Variants in ZNF107 observed in about 807,000 individuals in gnomAD.
The protein encoded by ZNF107 is C2H2 type zinc-finger protein.
A neutral mutation model predicts 12.3 loss-of-function variants in ZNF107; 19 were observed. That is an observed-to-expected ratio of 1.55 (90% confidence interval 1.08 to 2.27). The LOEUF (loss-of-function observed/expected upper bound fraction) is 2.27, where lower values mean the gene tolerates loss of function less well. ZNF107 is among the 30% of genes most tolerant of loss of function. The probability of loss-of-function intolerance (pLI) is 0.00; values close to 1 mark genes in which losing one functional copy is unlikely to be tolerated. For synonymous variants in ZNF107, 317 were observed against 330.5 expected, an observed-to-expected ratio of 0.96 and a Z score of 0.44; for missense variants, 958 against 979.9, an observed-to-expected ratio of 0.98 and a Z score of 0.30.
At chr7:64,674,981 A>G (rs963319242) in intron 1 of ZNF107, among the ~76,000 whole-genome samples, 3 of 151,318 alleles carry the variant, frequency 2.0e-5, no homozygotes, top group African/African-American at 4.8e-5. Flanking sequence ...ATTAGCTTTT[A>G]TGATGTGCTG....
At position 64,707,808 on chromosome 7, in the gene ZNF107, G is replaced by A; in HGVS notation, c.1711G>A (p.Gly571Arg). The A allele has an allele frequency of 6.2e-7, 1 of 1,611,858 alleles. No individual in the cohort carries two copies. The highest frequency in any genetic ancestry group is 8.5e-7 in the Non-Finnish European group (1 of 1,179,342). ...GEKPYKCEEC[G>R]KAFNQSYQLT... ...AAAACCCTATAAATGTGAAGAATGTGGAAAAGCCTTTAATCAATCCTATCA... is the reference window on the plus strand; with the variant it reads ...AAAACCCTATAAATGTGAAGAATGTAGAAAAGCCTTTAATCAATCCTATCA... The change falls in exon 4 of 4, where the codon GGA (glycine) becomes AGA (arginine). Residue 571 changes from glycine (G) to arginine (R), a missense_variant. Physicochemically the swap from Gly to Arg is moderately radical, Grantham distance 125. Transcript: ENST00000620827.
At chr7:64,688,324 T>C (rs2128961926) in intron 1 of ZNF107, among the ~76,000 whole-genome samples, 1 of 150,546 alleles carries the variant, frequency 6.6e-6, no homozygotes, top group Middle Eastern at 3.4e-3. Context: ...TGGCATGATC[T>C]CGGCTCACTG....
Position 64,707,315 on chromosome 7 carries a change from T to C in ZNF107, c.1218T>C (p.Phe406=), listed in dbSNP as rs780792240. The change falls in exon 4 of 4, where the codon TTT becomes TTC. Residue 406 remains phenylalanine (F), a synonymous_variant. Transcript: ENST00000620827. ...AATGTGAAGAATGTGGCAAAGTCTT[T>C]AACCAGTTCTCAACTCTTACTAGAC... The part of the protein sequence containing the change: ...PYKCEECGKV[F]NQFSTLTRHK... The C allele has an allele frequency of 6.2e-7, 1 of 1,613,412 alleles. No individual in the cohort carries two copies. Among genetic ancestry groups the C allele is most frequent in the Non-Finnish European group, 8.5e-7 (1 of 1,179,778 alleles).
At chr7:64,681,040 C>T (rs955670899) in intron 1 of ZNF107, among the ~76,000 whole-genome samples, 1 of 152,134 alleles carries the variant, frequency 6.6e-6, no homozygotes, top group African/African-American at 2.4e-5. Flanking sequence ...TGCAGGCCCT[C>T]ACTGGAAGTC....
Position 64,708,680 on chromosome 7 carries a change from A to C in ZNF107, c.*24A>C, listed in dbSNP as rs770447219. 2 of 1,572,980 alleles carry C rather than the reference A, an allele frequency of 1.3e-6. No individual in the cohort carries two copies. The highest frequency in any genetic ancestry group is 1.7e-6 in the Non-Finnish European group (2 of 1,158,152). On this transcript the variant is annotated 3_prime_UTR_variant, in exon 4 of 4. Transcript: ENST00000620827. ...AATTGATCCTACAAGCTTACTACAC[A>C]TAGGAAAATTCATACTGGAGAGAAA...
At chr7:64,696,338 G>A (rs946268835) in intron 3 of ZNF107, among the ~76,000 whole-genome samples, 3 of 152,040 alleles carry the variant, frequency 2.0e-5, no homozygotes, top group Middle Eastern at 3.4e-3. Flanking sequence ...ATGAGCCACC[G>A]CATCCAGCCT....
At chr7:64,666,362 C>T (rs1789001431) in intron 1 of ZNF107, 77 bp downstream of exon 1, 1 of 1,565,680 alleles carries the variant, frequency 6.4e-7, no homozygotes, top group Non-Finnish European at 8.7e-7. Flanking sequence ...TGTGGCTGGA[C>T]TCGGGCCTCC....
In ZNF107 at chr7:64,691,922, G is replaced by A; in HGVS notation, c.188G>A (p.Trp63Ter). ...TGTCTGGAGCAAAAAAAAGAGCCCT[G>A]GAATATAAAAAGACATGAGATGGTA... ...ITCLEQKKEP[W>*]NIKRHEMVAK... Residue 63 changes from tryptophan to a stop codon, truncating the protein, a stop_gained, in exon 3 of 4, where the codon TGG (tryptophan) becomes TAG (stop). Transcript: ENST00000620827. LOFTEE classifies it low-confidence loss of function (END_TRUNC). 1 of 1,533,516 alleles carries A rather than the reference G, an allele frequency of 6.5e-7. No homozygotes were observed. The highest frequency in any genetic ancestry group is 1.2e-5 in the South Asian group (1 of 80,950). The allele number at this position is 1,533,516 out of a possible 1,614,324, so 95.0% of individuals were successfully genotyped here.
chr7:64,681,383 C>CT (rs1374236723), intron 1 of ZNF107, among the ~76,000 whole-genome samples: 1 of 152,072 alleles, frequency 6.6e-6, no homozygotes, highest in Non-Finnish European at 1.5e-5. Context: ...ATCAGCACTC[C>CT]TTTTTGCACT....
chr7:64,691,906 C>A lies in ZNF107; in HGVS notation c.172C>A (p.Gln58Lys). The A allele has an allele frequency of 6.6e-7, 1 of 1,514,736 alleles. No homozygotes were observed. 93.8% of individuals were successfully genotyped at this position (1,514,736 alleles called of 1,614,324 possible). Reference sequence around the variant, plus strand: ...GCCATATCTGATCACCTGTCTGGAGCAAAAAAAAGAGCCCTGGAATATAAA... The same window carrying A: ...GCCATATCTGATCACCTGTCTGGAGAAAAAAAAAGAGCCCTGGAATATAAA... ...SKPYLITCLE[Q>K]KKEPWNIKRH... Residue 58 changes from glutamine (Q) to lysine (K), a missense_variant, in exon 3 of 4, where the codon CAA (glutamine) becomes AAA (lysine). Coordinates refer to ENST00000620827, the MANE Select transcript of ZNF107 (RefSeq NM_001282359.2).
chr7:64,701,364 G>A (rs1790471359), intron 3 of ZNF107, among the ~76,000 whole-genome samples: 1 of 151,006 alleles, frequency 6.6e-6, no homozygotes, highest in Admixed American at 6.6e-5. Context: ...CCAGGTTCAC[G>A]TGATCTCCTG....
rs1790129339 is a variant in ZNF107, at chr7:64,691,875, C to T, written c.141C>T (p.Val47=). Reference sequence around the variant, plus strand: ...TTTTCAATAAAACAGGTATTGCTGTCTCTAAGCCATATCTGATCACCTGTC... The same window carrying T: ...TTTTCAATAAAACAGGTATTGCTGTTTCTAAGCCATATCTGATCACCTGTC... ...YRNLVFLGIA[V]SKPYLITCLE... Residue 47 remains valine, a synonymous_variant, in exon 3 of 4, where the codon GTC becomes GTT. Transcript: ENST00000620827. The T allele has an allele frequency of 2.0e-6, 3 of 1,471,020 alleles. No homozygotes were observed. The highest frequency in any genetic ancestry group is 2.6e-5 in the Admixed American group (1 of 38,366). 91.1% of individuals were successfully genotyped at this position (1,471,020 alleles called of 1,614,324 possible). A position where few individuals can be genotyped will look rare whatever the true frequency, so the allele number is the denominator to read the frequency against.
chr7:64,685,263 ACCTCTAGGTCACCTACTGTT>A (rs869124289), intron 1 of ZNF107, among the ~76,000 whole-genome samples: 3 of 152,254 alleles, frequency 2.0e-5, no homozygotes, highest in African/African-American at 7.2e-5. Context: ...CATCAGGCCT[ACCTCTAGGTCACCTACTGTT>A]CCATCAGTGC....
intron 3 of ZNF107, among the ~76,000 whole-genome samples, chr7:64,704,032 T>C (rs1169610292): frequency 3.3e-5 from 5 of 152,078 alleles, no homozygotes; most frequent in Admixed American, 6.6e-5. Context: ...AAATCAACTT[T>C]ATTTGCATAC....
Position 64,708,090 on chromosome 7 carries a change from A to G in ZNF107, c.1993A>G (p.Thr665Ala). The G allele has an allele frequency of 6.2e-7, 1 of 1,613,600 alleles. No homozygotes were observed. Among genetic ancestry groups the G allele is most frequent in the Non-Finnish European group, 8.5e-7 (1 of 1,179,736 alleles). Reference sequence around the variant, plus strand: ...AGCTTTTAACCTATTCTCAAACATTACTAACCATAAGATAATTTATACTGG... The same window carrying G: ...AGCTTTTAACCTATTCTCAAACATTGCTAACCATAAGATAATTTATACTGG... Reference protein sequence around the residue: ...GKAFNLFSNITNHKIIYTGEK... With the variant: ...GKAFNLFSNIANHKIIYTGEK... Residue 665 changes from threonine (T) to alanine (A), a missense_variant, in exon 4 of 4, where the codon ACT becomes GCT. Thr to Ala is a moderately conservative substitution (Grantham distance 58). Coordinates refer to ENST00000620827, the MANE Select transcript of ZNF107 (RefSeq NM_001282359.2).
At position 64,709,127 on chromosome 7, in the gene ZNF107, A is replaced by G. The variant is rs1790802192; in HGVS notation, c.*471A>G. On this transcript the variant is annotated 3_prime_UTR_variant, in exon 4 of 4. Coordinates refer to ENST00000620827, the MANE Select transcript of ZNF107 (RefSeq NM_001282359.2). Reference sequence around the variant, plus strand: ...AATTCATACTGGAGAGAAAGCCTACAATTGTGAAGAATGTGGCAAAGCTTT... The same window carrying G: ...AATTCATACTGGAGAGAAAGCCTACGATTGTGAAGAATGTGGCAAAGCTTT... 2.2e-6 allele frequency: 1 copy of G among 463,422 alleles called. No individual in the cohort carries two copies. Among genetic ancestry groups the G allele is most frequent in the African/African-American group, 2.0e-5 (1 of 49,638 alleles). The allele number at this position is 463,422 out of a possible 1,614,324, so 28.7% of individuals were successfully genotyped here. A position where few individuals can be genotyped will look rare whatever the true frequency, so the allele number is the denominator to read the frequency against.
intron 1 of ZNF107, chr7:64,690,277 A>T: frequency 1.4e-6 from 1 of 736,796 alleles, no homozygotes; most frequent in Non-Finnish European, 1.7e-6. Context: ...AAACCCCAGG[A>T]GATTTGTTTA....
chr7:64,699,851 T>G (rs1188834154), intron 3 of ZNF107, among the ~76,000 whole-genome samples: 1 of 151,896 alleles, frequency 6.6e-6, no homozygotes, highest in East Asian at 1.9e-4. Flanking sequence ...GGCGGACCAC[T>G]AGGTCAGGAG....
chr7:64,675,987 G>T (rs1057510871), intron 1 of ZNF107, among the ~76,000 whole-genome samples: 46 of 152,118 alleles, frequency 3.0e-4, no homozygotes, highest in African/African-American at 1.0e-3. Context: ...GAGTAGCTGG[G>T]ATTACAGGCA....
Sources: allele counts gnomAD v4.1 joint callset (sites outside exome capture counted in the v4.1 genomes callset), GRCh38; gene constraint gnomAD v4.1.1; transcripts MANE v1.5; gene names NCBI Gene and HGNC (gene_info 2026-07-23, HGNC 2026-07-21).